The following LRRCC1 variants were observed in gnomAD, a reference collection of about 807,000 sequenced individuals.
The protein encoded by LRRCC1 is leucine-rich repeat and coiled-coil domain-containing protein 1.
Under a neutral mutation model 126.0 loss-of-function variants are expected in LRRCC1, and 115 were observed. The observed-to-expected ratio is 0.91, with a 90% CI of 0.78 to 1.07. The LOEUF is 1.07. LRRCC1 is among the 50% of genes least tolerant of loss of function. The pLI is 0.00. For missense variants in LRRCC1, 1,172 were observed against 1,175.7 expected, an observed-to-expected ratio of 1.00 and a Z score of 0.05; for synonymous variants, 400 against 393.4, an observed-to-expected ratio of 1.02 and a Z score of -0.20.
chr8:85,126,845 G>T lies in LRRCC1; in HGVS notation c.1421+8G>T, dbSNP rs546960259. On this transcript the variant is annotated splice_region_variant and intron_variant, in intron 9 of 18. Coordinates refer to ENST00000360375, the MANE Select transcript of LRRCC1 (RefSeq NM_033402.5). ...TCTACTTACCACAGATAGGTAAAAA[G>T]AAATTAATAAACCTGAAGATACCTC... The T allele has an allele frequency of 8.8e-6, 14 of 1,599,324 alleles. No individual in the cohort carries two copies. Among genetic ancestry groups the T allele is most frequent in the South Asian group, 7.8e-5 (7 of 89,764 alleles).
intron 8 of LRRCC1, 23 bp downstream of exon 8, chr8:85,124,962 A>G (rs1809859437): frequency 4.6e-6 from 7 of 1,531,774 alleles, no homozygotes; most frequent in Non-Finnish European, 6.2e-6. Context: ...AGTTAAAGAA[A>G]AAATGAGTAT....
intron 12 of LRRCC1, among the ~76,000 whole-genome samples, chr8:85,133,815 C>A (rs1238244092): frequency 6.6e-6 from 1 of 152,168 alleles, no homozygotes; most frequent in African/African-American, 2.4e-5. Flanking sequence ...TCCCCTACCC[C>A]CCTCTGTTTA....
rs776152803 is a variant in LRRCC1, at chr8:85,112,957, G to A, written c.402G>A (p.Lys134=). The A allele has an allele frequency of 1.7e-5, 27 of 1,578,814 alleles. No homozygotes were observed. The highest frequency in any genetic ancestry group is 9.1e-5 in the East Asian group (4 of 44,132). The change falls in exon 4 of 19, where the codon AAG becomes AAA. Residue 134 remains lysine (K), a synonymous_variant. Transcript: ENST00000360375. Reference sequence around the variant, plus strand: ...GATTGATTCCCCTTCATGGAATTAAGCATAAACTTAGATATATTGATCTAC... The same window carrying A: ...GATTGATTCCCCTTCATGGAATTAAACATAAACTTAGATATATTGATCTAC... ...LSGLIPLHGI[K]HKLRYIDLHS...
chr8:85,123,450 C>A lies in LRRCC1; in HGVS notation c.968C>A (p.Pro323His). 1 of 1,604,024 alleles carries A rather than the reference C, an allele frequency of 6.2e-7. No individual in the cohort carries two copies. Residue 323 changes from proline (P) to histidine (H), a missense_variant, in exon 7 of 19, where the codon CCC (proline) becomes CAC (histidine). Coordinates refer to ENST00000360375, the MANE Select transcript of LRRCC1 (RefSeq NM_033402.5). ...NSIDNVLEKDPRPKRDTDITS... is the reference protein window; with the variant it reads ...NSIDNVLEKDHRPKRDTDITS... The stretch of plus-strand genomic sequence containing the variant: ...ATAGATAACGTTCTTGAGAAAGACC[C>A]CAGACCAAAAAGAGACACAGATATA...
In LRRCC1 at chr8:85,145,312, A is replaced by G. The variant is rs1016410099; in HGVS notation, c.2977-77A>G. ...CAAAATGTGTAAGAATAAATTTTGG[A>G]CCTTTTCTTTCAGAATGCATTTTAA... On this transcript the variant is annotated intron_variant, in intron 18 of 18. Transcript: ENST00000360375. The G allele has an allele frequency of 4.4e-6, 5 of 1,128,022 alleles. No homozygotes were observed. The African/African-American group carries it at 8.0e-5, about 18-fold the overall frequency. The allele number at this position is 1,128,022 out of a possible 1,614,324, so 69.9% of individuals were successfully genotyped here. A position where few individuals can be genotyped will look rare whatever the true frequency, so the allele number is the denominator to read the frequency against.
rs747062092 is a variant in LRRCC1, at chr8:85,141,535, C to G, written c.2976+18C>G. On this transcript the variant is annotated intron_variant, in intron 18 of 18. Transcript: ENST00000360375. ...ATTTAAAGGTATTGTAAGTAAAATT[C>G]ACTTCAATAATCAGTATATTACATG... is the stretch of plus-strand genomic sequence containing the variant. 2 of 1,566,688 alleles carry G rather than the reference C, an allele frequency of 1.3e-6. No individual in the cohort carries two copies. Among genetic ancestry groups the G allele is most frequent in the South Asian group, 1.1e-5 (1 of 87,314 alleles).
rs765264253 is a variant in LRRCC1, at chr8:85,126,849, T to G, written c.1421+12T>G. The G allele has an allele frequency of 2.5e-6, 4 of 1,595,668 alleles. No individual in the cohort carries two copies. In the East Asian group the frequency reaches 8.9e-5, roughly 36 times the overall value. ...CTTACCACAGATAGGTAAAAAGAAATTAATAAACCTGAAGATACCTCATAG... is the reference window on the plus strand; with the variant it reads ...CTTACCACAGATAGGTAAAAAGAAAGTAATAAACCTGAAGATACCTCATAG... On this transcript the variant is annotated intron_variant, in intron 9 of 18. Coordinates refer to ENST00000360375, the MANE Select transcript of LRRCC1 (RefSeq NM_033402.5).
At chr8:85,144,494 G>A (rs1191722186) in intron 18 of LRRCC1, among the ~76,000 whole-genome samples, 11 of 130,160 alleles carry the variant, frequency 8.5e-5, no homozygotes, top group Non-Finnish European at 1.6e-5. Context: ...TTTTTGAGAT[G>A]GAGTTTCACT....
chr8:85,113,270 C>T (rs1404286259), intron 4 of LRRCC1, among the ~76,000 whole-genome samples, 171 bp downstream of exon 4: 1 of 152,038 alleles, frequency 6.6e-6, no homozygotes, highest in Non-Finnish European at 1.5e-5. Context: ...ATGACTGTTA[C>T]AGAACACAAG....
rs1810334960 is a variant in LRRCC1 at position 85,130,076 on chromosome 8, C to T, written c.1766+18C>T. ...GAACACAGGTAAATGAAAAATGTATCAGGAATGTATTGGCATTTAAAAAAA... is the reference window on the plus strand; with the variant it reads ...GAACACAGGTAAATGAAAAATGTATTAGGAATGTATTGGCATTTAAAAAAA... On this transcript the variant is annotated intron_variant, in intron 11 of 18. Coordinates refer to ENST00000360375, the MANE Select transcript of LRRCC1 (RefSeq NM_033402.5). 6.5e-7 allele frequency: 1 copy of T among 1,536,402 alleles called. No individual in the cohort carries two copies. Among genetic ancestry groups the T allele is most frequent in the Admixed American group, 2.2e-5 (1 of 44,982 alleles).
intron 2 of LRRCC1, 97 bp from the exon 3 acceptor site, chr8:85,110,018 T>C (rs1013715757): frequency 1.5e-6 from 1 of 651,786 alleles, no homozygotes; most frequent in African/African-American, 1.9e-5. Context: ...CTGGATTTAC[T>C]TCAGAACAGT....
intron 6 of LRRCC1, among the ~76,000 whole-genome samples, chr8:85,122,368 A>G (rs116825807): frequency 0.01 from 1,595 of 152,194 alleles, 33 homozygotes; most frequent in African/African-American, 0.037. Flanking sequence ...TTCAGATTCC[A>G]TGTAGACTTT....
intron 10 of LRRCC1, 108 bp downstream of exon 10, chr8:85,129,487 T>C: frequency 1.1e-6 from 1 of 919,458 alleles, no homozygotes; most frequent in South Asian, 1.8e-5. Context: ...TAAGGCCATA[T>C]GCAAAAATTA....
intron 12 of LRRCC1, 67 bp from the exon 13 acceptor site, chr8:85,134,780 T>A (rs986608188): frequency 9.6e-7 from 1 of 1,046,258 alleles, no homozygotes; most frequent in Admixed American, 3.3e-5. Flanking sequence ...TGTGATACTA[T>A]TTCCAGAAGC....
chr8:85,120,577 G>A (rs952259700), intron 6 of LRRCC1, among the ~76,000 whole-genome samples: 3 of 152,100 alleles, frequency 2.0e-5, no homozygotes, highest in African/African-American at 7.2e-5. Context: ...GTGCAATTCA[G>A]TGGTACCTAT....
intron 18 of LRRCC1, among the ~76,000 whole-genome samples, chr8:85,143,575 A>T (rs1381634648): frequency 6.6e-6 from 1 of 151,800 alleles, no homozygotes; most frequent in Non-Finnish European, 1.5e-5. Context: ...GGAGTTCGGG[A>T]CTATGGTGAG....
intron 16 of LRRCC1, 42 bp downstream of exon 16, chr8:85,138,285 G>T: frequency 6.3e-7 from 1 of 1,579,198 alleles, no homozygotes; most frequent in South Asian, 1.2e-5. Flanking sequence ...AATAAAATGT[G>T]GCTTAATAAT....
chr8:85,138,271 G>T, intron 16 of LRRCC1, 28 bp downstream of exon 16: 1 of 1,580,340 alleles, frequency 6.3e-7, no homozygotes, highest in South Asian at 1.2e-5. Flanking sequence ...ATTTCCCACT[G>T]AGAAATAAAA....
chr8:85,139,940 A>T (rs1474429204), intron 17 of LRRCC1, among the ~76,000 whole-genome samples: 2 of 152,204 alleles, frequency 1.3e-5, no homozygotes, highest in African/African-American at 2.4e-5. Context: ...TTTTCTGTTG[A>T]TAGATTCTGT....
Sources: allele counts gnomAD v4.1 joint callset (sites outside exome capture counted in the v4.1 genomes callset), GRCh38; gene constraint gnomAD v4.1.1; transcripts MANE v1.5; gene names NCBI Gene and HGNC (gene_info 2026-07-23, HGNC 2026-07-21).